The following FRK variants were observed in gnomAD, a reference collection of about 807,000 sequenced individuals.
FRK encodes the protein fyn related Src family tyrosine kinase, also known as tyrosine-protein kinase FRK.
Under a neutral mutation model 56.4 loss-of-function variants are expected in FRK, and 51 were observed. The observed-to-expected ratio is 0.90, with a 90% CI of 0.72 to 1.14. The LOEUF (loss-of-function observed/expected upper bound fraction) is 1.14. FRK is among the 50% of genes most tolerant of loss of function. The pLI is 0.00. For missense variants in FRK, 570 were observed against 601.4 expected (o/e 0.95, Z 0.55); for synonymous variants, 245 against 217.9 (o/e 1.12, Z -1.10).
chr6:115,999,555 G>T (rs553241854), intron 2 of FRK, among the ~76,000 whole-genome samples: 5 of 152,268 alleles, frequency 3.3e-5, no homozygotes, highest in Non-Finnish European at 1.5e-5. Context: ...CCAAGCCATT[G>T]TTGCTCAAGG....
chr6:115,944,142 T>C (rs1468154305), intron 6 of FRK, 102 bp downstream of exon 6: 3 of 959,182 alleles, frequency 3.1e-6, no homozygotes, highest in Non-Finnish European at 4.5e-6. Context: ...CTACAGAACT[T>C]GGAGAAACAT....
At chr6:115,950,703 T>G (rs1182887165) in intron 5 of FRK, among the ~76,000 whole-genome samples, 1 of 152,156 alleles carries the variant, frequency 6.6e-6, no homozygotes. Flanking sequence ...CATTCTACTA[T>G]AAAGACACAT....
chr6:116,090,012 G>A, the FRK span, among the ~76,000 whole-genome samples: 1 of 152,148 alleles, frequency 6.6e-6, no homozygotes, highest in East Asian at 1.9e-4. Flanking sequence ...TTGAATTTCA[G>A]ATAAATTTGA....
At chr6:116,004,040 T>C (rs752237084) in intron 1 of FRK, 42 bp from the exon 2 acceptor site, 83 of 1,578,334 alleles carry the variant, frequency 5.3e-5, no homozygotes, top group Non-Finnish European at 5.5e-5. Flanking sequence ...CCAATTAACA[T>C]TCATTTTTTA....
chr6:116,096,948 C>T, the FRK span, among the ~76,000 whole-genome samples: 6 of 152,202 alleles, frequency 3.9e-5, no homozygotes, highest in Admixed American at 6.5e-5. Flanking sequence ...GAACCAACTA[C>T]GGACACAAAA....
chr6:116,039,206 A>G (rs1776617026), intron 1 of FRK: 1 of 1,442,150 alleles, frequency 6.9e-7, no homozygotes, highest in African/African-American at 1.4e-5. Context: ...GTCATCGCAG[A>G]TAACGTGAAG....
intron 1 of FRK, among the ~76,000 whole-genome samples, chr6:116,031,615 A>G (rs1332286852): frequency 1.3e-5 from 2 of 152,124 alleles, no homozygotes; most frequent in Admixed American, 6.6e-5. Context: ...AATCAACTCA[A>G]TGGATCTGTG....
intron 1 of FRK, among the ~76,000 whole-genome samples, chr6:116,019,738 C>T (rs938726120): frequency 1.3e-5 from 2 of 152,160 alleles, no homozygotes; most frequent in African/African-American, 4.8e-5. Flanking sequence ...TGTGACTTCA[C>T]TAAAATTGTG....
intron 2 of FRK, among the ~76,000 whole-genome samples, chr6:115,977,428 C>A (rs567832197): frequency 2.6e-5 from 4 of 152,226 alleles, no homozygotes; most frequent in African/African-American, 7.2e-5. Context: ...TCTCAAAGGG[C>A]GCTTGGCTCC....
Position 115,956,614 on chromosome 6 carries a change from A to G in FRK, c.800-4T>C, listed in dbSNP as rs1207120817. ...AAGTCATTTGGATCCATTGAACCTGAAACAAGAAGAGGGAGAAATCACTTT... is the reference window on the plus strand; with the variant it reads ...AAGTCATTTGGATCCATTGAACCTGGAACAAGAAGAGGGAGAAATCACTTT... On this transcript the variant is annotated splice_polypyrimidine_tract_variant and splice_region_variant and intron_variant, in intron 4 of 7. Coordinates refer to ENST00000606080, the MANE Select transcript of FRK (RefSeq NM_002031.3). 4 of 1,538,542 alleles carry G rather than the reference A, an allele frequency of 2.6e-6. No homozygotes were observed. The highest frequency in any genetic ancestry group is 1.4e-5 in the African/African-American group (1 of 72,524).
At chr6:116,049,329 G>A (rs1777104100) in intron 1 of FRK, among the ~76,000 whole-genome samples, 1 of 152,130 alleles carries the variant, frequency 6.6e-6, no homozygotes, top group Non-Finnish European at 1.5e-5. Flanking sequence ...TCAAGGAATT[G>A]TACTGAATTG....
chr6:116,008,589 C>T (rs1337545306), intron 1 of FRK, among the ~76,000 whole-genome samples: 1 of 152,200 alleles, frequency 6.6e-6, no homozygotes, highest in Admixed American at 6.5e-5. Context: ...TAAACAATAG[C>T]TTGTTCTACC....
chr6:116,031,198 G>A (rs1016890161), intron 1 of FRK, among the ~76,000 whole-genome samples: 5 of 152,044 alleles, frequency 3.3e-5, no homozygotes, highest in African/African-American at 1.2e-4. Flanking sequence ...ATGAAAATTA[G>A]AAAAATTAAG....
chr6:116,058,910 CAAAAAAA>C (rs3049930), intron 1 of FRK, among the ~76,000 whole-genome samples: 1 of 78,434 alleles, frequency 1.3e-5, no homozygotes, highest in Non-Finnish European at 2.4e-5. Flanking sequence ...GACTCCGTCT[CAAAAAAA>C]AAAAAAAAAA....
chr6:115,975,508 TGAAGG>T (rs1773960608), intron 2 of FRK, among the ~76,000 whole-genome samples: 1 of 152,188 alleles, frequency 6.6e-6, no homozygotes, highest in Non-Finnish European at 1.5e-5. Context: ...TCGTTCTTAA[TGAAGG>T]TTGAATTCAG....
intron 1 of FRK, among the ~76,000 whole-genome samples, chr6:116,031,519 T>C (rs1432142433): frequency 6.6e-6 from 1 of 152,076 alleles, no homozygotes; most frequent in African/African-American, 2.4e-5. Context: ...ATTGAACAAT[T>C]TGGATGGCAG....
At position 115,953,180 on chromosome 6, in the gene FRK, A is replaced by AAT. The variant is rs34026302; in HGVS notation, c.958+3271_958+3272insAT. On this transcript the variant is annotated intron_variant, in intron 5 of 7. Coordinates refer to ENST00000606080, the MANE Select transcript of FRK (RefSeq NM_002031.3). ...AGAGTGGTACATCCATTTTAAGGCC[A>AAT]TTTTTTTTTTTTTTTTTTTTTTTTT... Among the ~76,000 whole-genome samples the AAT allele has an allele frequency of 4.8e-5, 5 of 104,060 alleles. 2 individuals are homozygous for AAT. Among genetic ancestry groups the AAT allele is most frequent in the African/African-American group, 3.7e-5 (1 of 27,250 alleles). 68.3% of individuals were successfully genotyped at this position (104,060 alleles called of 152,430 possible).
the FRK span, among the ~76,000 whole-genome samples, chr6:116,088,833 T>C: frequency 2.0e-5 from 3 of 152,222 alleles, no homozygotes; most frequent in Non-Finnish European, 4.4e-5. Flanking sequence ...GTAAACACTT[T>C]CTGAGTTAAC....
At chr6:116,097,932 T>C in the FRK span, among the ~76,000 whole-genome samples, 1 of 152,080 alleles carries the variant, frequency 6.6e-6, no homozygotes, top group African/African-American at 2.4e-5. Flanking sequence ...GAGTCAATTA[T>C]CCTTATTAAC....
Sources: allele counts gnomAD v4.1 joint callset (sites outside exome capture counted in the v4.1 genomes callset), GRCh38; gene constraint gnomAD v4.1.1; transcripts MANE v1.5; gene names NCBI Gene and HGNC (gene_info 2026-07-23, HGNC 2026-07-21).